The following ADAMTS19 variants were observed in gnomAD, a reference collection of about 807,000 sequenced individuals.
The protein encoded by ADAMTS19 is ADAM metallopeptidase with thrombospondin type 1 motif 19.
A neutral mutation model predicts 153.3 loss-of-function variants in ADAMTS19; 93 were observed. The ratio of observed to expected loss-of-function variants is 0.61; its 90% CI spans 0.51 to 0.72. ADAMTS19 has a LOEUF of 0.72. Ranked by LOEUF, ADAMTS19 falls within the 30% of genes least tolerant of loss-of-function variation. The probability of loss-of-function intolerance (pLI) is 0.00; values close to 1 mark genes in which losing one functional copy is unlikely to be tolerated. For missense variants in ADAMTS19, 1,482 were observed against 1,552.1 expected (o/e 0.95, Z 0.76); for synonymous variants, 600 against 556.6 (o/e 1.08, Z -1.10).
At chr5:129,720,828 C>T (rs748397404) in intron 21 of ADAMTS19, among the ~76,000 whole-genome samples, 43 of 152,188 alleles carry the variant, frequency 2.8e-4, no homozygotes, top group Non-Finnish European at 5.1e-4. Flanking sequence ...GAAGTGCCTA[C>T]GTTGCTTCTT....
chr5:129,524,860 G>C (rs543023420), intron 3 of ADAMTS19, among the ~76,000 whole-genome samples: 2 of 152,080 alleles, frequency 1.3e-5, no homozygotes, highest in African/African-American at 2.4e-5. Flanking sequence ...TATTCACTGA[G>C]TTGGTTTTTA....
intron 15 of ADAMTS19, among the ~76,000 whole-genome samples, chr5:129,665,174 A>T (rs1163628747): frequency 6.6e-6 from 1 of 150,482 alleles, no homozygotes; most frequent in Admixed American, 6.6e-5. Context: ...CTATTTCAAG[A>T]TCCACTGTGT....
intron 21 of ADAMTS19, among the ~76,000 whole-genome samples, chr5:129,732,341 G>A (rs2161311): frequency 6.6e-6 from 1 of 152,066 alleles, no homozygotes; most frequent in African/African-American, 2.4e-5. Context: ...TCAGGCAAGA[G>A]AAAGAAATAA....
chr5:129,684,069 G>T, intron 17 of ADAMTS19, 51 bp from the exon 18 acceptor site: 1 of 1,534,028 alleles, frequency 6.5e-7, no homozygotes, highest in Non-Finnish European at 8.9e-7. Flanking sequence ...GCTTTACATT[G>T]CACGTGCTCT....
At chr5:129,679,055 C>T (rs887902306) in intron 16 of ADAMTS19, among the ~76,000 whole-genome samples, 1 of 151,900 alleles carries the variant, frequency 6.6e-6, no homozygotes, top group South Asian at 2.1e-4. Flanking sequence ...GTCTCATTTC[C>T]GTGTCACTAA....
At chr5:129,498,807 T>G (rs897557957) in intron 2 of ADAMTS19, among the ~76,000 whole-genome samples, 18 of 151,172 alleles carry the variant, frequency 1.2e-4, no homozygotes, top group African/African-American at 4.4e-4. Context: ...TATTTTTTTT[T>G]TTTTTTGATC....
At chr5:129,535,399 A>G (rs906734924) in intron 6 of ADAMTS19, among the ~76,000 whole-genome samples, 112 of 152,314 alleles carry the variant, frequency 7.4e-4, no homozygotes, top group African/African-American at 1.9e-3. Context: ...CCACTGCTCA[A>G]TGAAATAAAA....
intron 2 of ADAMTS19, among the ~76,000 whole-genome samples, chr5:129,489,791 AC>A (rs983270058): frequency 6.6e-6 from 1 of 152,082 alleles, no homozygotes; most frequent in Admixed American, 6.6e-5. Context: ...TTGCTATGTA[AC>A]CTTAAGCAAT....
intron 7 of ADAMTS19, among the ~76,000 whole-genome samples, chr5:129,586,615 C>T (rs1017879710): frequency 2.0e-5 from 3 of 152,172 alleles, no homozygotes; most frequent in African/African-American, 7.2e-5. Context: ...TATAAACATC[C>T]ATGTGCAGGA....
intron 6 of ADAMTS19, among the ~76,000 whole-genome samples, chr5:129,545,340 T>C (rs1037382679): frequency 7.2e-5 from 11 of 152,106 alleles, no homozygotes; most frequent in Admixed American, 2.0e-4. Context: ...GATTGGATGA[T>C]AGATCTGAGG....
At chr5:129,638,794 G>T (rs1028164263) in intron 10 of ADAMTS19, among the ~76,000 whole-genome samples, 3 of 152,062 alleles carry the variant, frequency 2.0e-5, no homozygotes, top group African/African-American at 7.2e-5. Flanking sequence ...AGTTAAAATT[G>T]TCTTATTTTA....
At chr5:129,723,707 G>A (rs912084092) in intron 21 of ADAMTS19, among the ~76,000 whole-genome samples, 14 of 152,152 alleles carry the variant, frequency 9.2e-5, no homozygotes, top group African/African-American at 3.4e-4. Context: ...GAGTCAAACT[G>A]TGTAAAATAT....
At chr5:129,524,149 A>G (rs1751921325) in intron 3 of ADAMTS19, among the ~76,000 whole-genome samples, 1 of 152,126 alleles carries the variant, frequency 6.6e-6, no homozygotes, top group Non-Finnish European at 1.5e-5. Context: ...CCTCAAAAAT[A>G]ACACCACACA....
At chr5:129,669,088 G>GTATA (rs367655854) in intron 16 of ADAMTS19, among the ~76,000 whole-genome samples, 3 of 149,136 alleles carry the variant, frequency 2.0e-5, no homozygotes, top group African/African-American at 7.4e-5. Context: ...ATATATATGT[G>GTATA]TATATATATA....
intron 10 of ADAMTS19, among the ~76,000 whole-genome samples, chr5:129,639,035 G>A (rs140824496): frequency 4.6e-5 from 7 of 152,064 alleles, no homozygotes; most frequent in South Asian, 2.1e-4. Context: ...AAGGAATATC[G>A]TATTATTTTT....
intron 21 of ADAMTS19, among the ~76,000 whole-genome samples, chr5:129,730,286 G>A (rs1757380061): frequency 6.6e-6 from 1 of 152,068 alleles, no homozygotes; most frequent in Non-Finnish European, 1.5e-5. Context: ...AAGAGAAAAA[G>A]TCAGGTTTAA....
chr5:129,480,268 C>T (rs1169318261), intron 2 of ADAMTS19, among the ~76,000 whole-genome samples: 1 of 152,106 alleles, frequency 6.6e-6, no homozygotes, highest in Non-Finnish European at 1.5e-5. Context: ...ACAGCTGCCT[C>T]ACAACAGCCA....
intron 6 of ADAMTS19, among the ~76,000 whole-genome samples, chr5:129,542,177 A>G (rs1383123683): frequency 2.6e-5 from 4 of 152,156 alleles, no homozygotes. Context: ...AGGCGTCAGG[A>G]AAGATAGCAA....
At chr5:129,549,141 C>T (rs62398976) in intron 6 of ADAMTS19, among the ~76,000 whole-genome samples, 9,055 of 149,660 alleles carry the variant, frequency 0.061, 401 homozygotes, top group Non-Finnish European at 0.087. Flanking sequence ...CAAACCTGCA[C>T]ATTGTGCACA....
Sources: gnomAD v4.1 joint callset for allele counts (sites outside exome capture counted in the v4.1 genomes callset) on GRCh38, gnomAD v4.1.1 for gene constraint, MANE v1.5 for transcripts, NCBI Gene and HGNC (gene_info 2026-07-23, HGNC 2026-07-21) for gene names.